UBAP2: variants seen among roughly 807,000 people sequenced by gnomAD.
The protein encoded by UBAP2 is ubiquitin-associated protein 2.
In UBAP2, 75 loss-of-function variants were observed where a neutral mutation model predicts 139.6. The ratio of observed to expected loss-of-function variants is 0.54; its 90% CI spans 0.45 to 0.65. The LOEUF (loss-of-function observed/expected upper bound fraction) is 0.65, where lower values mean the gene tolerates loss of function less well. Among genes scored for constraint, UBAP2 ranks in the 30% least tolerant of loss-of-function variants. UBAP2 has a pLI of 0.00. For synonymous variants in UBAP2, 526 were observed against 526.2 expected (o/e 1.00, Z 0.01); for missense variants, 1,368 against 1,369.6 (o/e 1.00, Z 0.02).
At chr9:33,943,280 A>C (rs1324962331) in intron 15 of UBAP2, 140 bp downstream of exon 15, 1 of 728,228 alleles carries the variant, frequency 1.4e-6, no homozygotes, top group Non-Finnish European at 2.1e-6. Flanking sequence ...TGTCTGCTAC[A>C]GGTATGGGGT....
intron 9 of UBAP2, 93 bp downstream of exon 9, chr9:33,963,632 AT>A: frequency 2.7e-6 from 2 of 744,370 alleles, no homozygotes; most frequent in Non-Finnish European, 4.4e-6. Context: ...TATCTGATAA[AT>A]TTTTATTAGC....
intron 1 of UBAP2, among the ~76,000 whole-genome samples, chr9:34,020,028 C>T (rs952750608): frequency 3.3e-5 from 5 of 151,446 alleles, no homozygotes; most frequent in African/African-American, 1.2e-4. Context: ...GGCATGGTGG[C>T]AGACGCCTGT....
intron 4 of UBAP2, 145 bp from the exon 5 acceptor site, chr9:33,989,271 A>G (rs1204234992): frequency 1.1e-6 from 1 of 898,888 alleles, no homozygotes; most frequent in East Asian, 3.3e-5. Context: ...GCGCCCTCTC[A>G]GCTCACTGCA....
chr9:33,932,161 G>A (rs10971801), intron 19 of UBAP2, among the ~76,000 whole-genome samples: 15 of 152,066 alleles, frequency 9.9e-5, no homozygotes, highest in East Asian at 1.9e-4. Context: ...CTGGCTTCTC[G>A]GCAGTGCATG....
In UBAP2 at chr9:33,923,918, T is replaced by C. The variant is rs763995864; in HGVS notation, c.2673A>G (p.Ser891=). Residue 891 remains serine, a synonymous_variant, in exon 24 of 29, where the codon TCA becomes TCG. Coordinates refer to ENST00000379238, the MANE Select transcript of UBAP2 (RefSeq NM_001370062.2). ...GCTGCTGGGCTGTGTGGTGGGTCTG[T>C]GATTGGCTCTGCTGTGGCTGAGCTG... ...TTPAQPQQSQ[S]QTHHTAQQPF... is the part of the protein sequence containing the mutation. The C allele has an allele frequency of 2.5e-5, 41 of 1,614,050 alleles. No individual in the cohort carries two copies. The highest frequency in any genetic ancestry group is 1.9e-4 in the South Asian group (17 of 91,090).
chr9:33,976,589 A>G lies in UBAP2; in HGVS notation c.521-3352T>C, dbSNP rs118156505. On this transcript the variant is annotated intron_variant, in intron 6 of 28. Transcript: ENST00000379238. ...TAAGGTATACTTCTGCGGTGTGGAA[A>G]ATGTTCTAAAATTGATTGTGGTGAT... Among the ~76,000 whole-genome samples, 84 of 152,316 alleles carry G rather than the reference A, an allele frequency of 5.5e-4. 1 individual carries two copies. The East Asian group carries it at 0.014, about 26-fold the overall frequency.
chr9:33,942,774 G>C (rs1204388146), intron 15 of UBAP2, among the ~76,000 whole-genome samples: 1 of 151,706 alleles, frequency 6.6e-6, no homozygotes, highest in African/African-American at 2.4e-5. Flanking sequence ...CTGAGATTTT[G>C]TATTTATAAA....
At chr9:33,969,162 T>C (rs1827700715) in intron 8 of UBAP2, among the ~76,000 whole-genome samples, 2 of 152,260 alleles carry the variant, frequency 1.3e-5, no homozygotes, top group Admixed American at 6.5e-5. Context: ...TGATGAATTA[T>C]GTTGCTATCA....
chr9:34,035,731 A>G (rs1305100761), intron 1 of UBAP2, among the ~76,000 whole-genome samples: 1 of 151,422 alleles, frequency 6.6e-6, no homozygotes, highest in African/African-American at 2.4e-5. Flanking sequence ...AAAACTGTCA[A>G]CTTCTGTTCA....
chr9:33,991,488 GGTC>G (rs1821709629), intron 4 of UBAP2, among the ~76,000 whole-genome samples: 1 of 151,998 alleles, frequency 6.6e-6, no homozygotes, highest in African/African-American at 2.4e-5. Context: ...TATAGAAAGA[GGTC>G]CTTGATAGAA....
chr9:33,983,135 C>T (rs937541711), intron 6 of UBAP2, among the ~76,000 whole-genome samples: 1 of 152,080 alleles, frequency 6.6e-6, no homozygotes, highest in African/African-American at 2.4e-5. Context: ...GCCTCGGCCT[C>T]CAAAAGTGCT....
chr9:33,938,651 G>T (rs1226658565), intron 16 of UBAP2, among the ~76,000 whole-genome samples: 5 of 151,936 alleles, frequency 3.3e-5, no homozygotes, highest in Admixed American at 2.0e-4. Flanking sequence ...ACAAAAATTA[G>T]CCAGCATGGT....
chr9:34,007,590 A>AT (rs539072567), intron 2 of UBAP2, among the ~76,000 whole-genome samples: 23 of 150,246 alleles, frequency 1.5e-4, no homozygotes, highest in African/African-American at 4.9e-4. Context: ...TTTCACATAC[A>AT]TTTTTCAGCG....
At chr9:33,931,146 T>C (rs545808416) in intron 19 of UBAP2, among the ~76,000 whole-genome samples, 42 of 152,318 alleles carry the variant, frequency 2.8e-4, no homozygotes, top group African/African-American at 7.9e-4. Flanking sequence ...AGATTTCTTT[T>C]TCAACCCAAT....
At chr9:33,933,670 T>C (rs759721043) in intron 17 of UBAP2, 42 bp from the exon 18 acceptor site, 2 of 1,603,526 alleles carry the variant, frequency 1.2e-6, no homozygotes, top group Non-Finnish European at 1.7e-6. Context: ...ATCTGTTTAT[T>C]TCTAAAACCA....
rs568692359 is a variant in UBAP2, at chr9:33,987,094, C to A, written c.443-257G>T. On this transcript the variant is annotated intron_variant, in intron 5 of 28. Transcript: ENST00000379238. ...ATCTCTTGAGCCCAAGAGCTTGAGA[C>A]CAGCCTGGGCAACATACAAAAAAAT... Among the ~76,000 whole-genome samples the A allele has an allele frequency of 7.9e-5, 12 of 152,090 alleles. No individual in the cohort carries two copies. In the East Asian group the frequency reaches 2.3e-3, roughly 29 times the overall value.
chr9:34,019,307 G>A (rs1824687983), intron 1 of UBAP2, among the ~76,000 whole-genome samples: 1 of 152,150 alleles, frequency 6.6e-6, no homozygotes, highest in Non-Finnish European at 1.5e-5. Flanking sequence ...GGAAGCTGAA[G>A]CAGGAGAATT....
At chr9:33,932,700 C>A in intron 18 of UBAP2, 72 bp from the exon 19 acceptor site, 2 of 1,526,820 alleles carry the variant, frequency 1.3e-6, no homozygotes, top group South Asian at 2.3e-5. Flanking sequence ...GCACGTGGGT[C>A]AGTGAGCTAG....
intron 4 of UBAP2, 116 bp from the exon 5 acceptor site, chr9:33,989,242 G>C (rs556019464): frequency 9.6e-6 from 12 of 1,246,258 alleles, no homozygotes; most frequent in Non-Finnish European, 1.2e-5. Flanking sequence ...TCGCTCTGTC[G>C]CCCAGGCTGG....
Sources: allele counts gnomAD v4.1 joint callset (sites outside exome capture counted in the v4.1 genomes callset), GRCh38; gene constraint gnomAD v4.1.1; transcripts MANE v1.5; gene names NCBI Gene and HGNC (gene_info 2026-07-23, HGNC 2026-07-21).